The following TIAM1 variants were observed in gnomAD, a reference collection of about 807,000 sequenced individuals.
TIAM1 encodes the protein TIAM Rac1 associated GEF 1.
Under a neutral mutation model 163.5 loss-of-function variants are expected in TIAM1, and 65 were observed. That is an observed-to-expected ratio of 0.40 (90% CI 0.33 to 0.49). TIAM1 has a LOEUF of 0.49. TIAM1 is among the 20% of genes least tolerant of loss of function. TIAM1 has a pLI of 0.77. For synonymous variants in TIAM1, 833 were observed against 810.1 expected, an observed-to-expected ratio of 1.03 and a Z score of -0.48; for missense variants, 1,789 against 2,044.7, an observed-to-expected ratio of 0.87 and a Z score of 2.41.
chr21:31,190,551 G>A (rs1051104584), intron 13 of TIAM1, among the ~76,000 whole-genome samples: 2 of 152,080 alleles, frequency 1.3e-5, no homozygotes, highest in African/African-American at 4.8e-5. Context: ...AACAAGCACA[G>A]GCACCTATAA....
chr21:31,380,504 T>C (rs1437215156), intron 2 of TIAM1, among the ~76,000 whole-genome samples: 3 of 151,942 alleles, frequency 2.0e-5, no homozygotes, highest in African/African-American at 4.8e-5. Flanking sequence ...GATCACACCA[T>C]TGCACTCCAG....
chr21:31,220,990 C>A (rs2087524510), intron 8 of TIAM1, among the ~76,000 whole-genome samples: 1 of 152,164 alleles, frequency 6.6e-6, no homozygotes, highest in African/African-American at 2.4e-5. Context: ...TGTAGCTCCC[C>A]AATCTACCCA....
intron 1 of TIAM1, among the ~76,000 whole-genome samples, chr21:31,509,393 A>G (rs192631313): frequency 6.6e-6 from 1 of 152,322 alleles, no homozygotes; most frequent in Admixed American, 6.5e-5. Flanking sequence ...CAAAGCCCCC[A>G]GGACCCACTC....
chr21:31,540,567 C>G (rs2048290107), intron 1 of TIAM1, among the ~76,000 whole-genome samples: 1 of 152,170 alleles, frequency 6.6e-6, no homozygotes, highest in Non-Finnish European at 1.5e-5. Flanking sequence ...ACGGGGACCC[C>G]CATCTCTGCA....
intron 2 of TIAM1, among the ~76,000 whole-genome samples, chr21:31,412,253 G>C (rs138037972): frequency 3.3e-5 from 5 of 152,288 alleles, no homozygotes; most frequent in African/African-American, 1.2e-4. Context: ...AGTGTGGAAC[G>C]ATAGACAACG....
At chr21:31,179,170 C>T (rs1025561029) in intron 15 of TIAM1, among the ~76,000 whole-genome samples, 9 of 151,620 alleles carry the variant, frequency 5.9e-5, no homozygotes, top group African/African-American at 2.2e-4. Context: ...GCAGATCACC[C>T]GATTTCGGGA....
rs1197864584 is a variant in TIAM1 at position 31,197,256 on chromosome 21, T to TA, written c.2494-1952dup. Among the ~76,000 whole-genome samples the TA allele has an allele frequency of 2.0e-4, 30 of 152,186 alleles. 1 individual carries two copies. Among genetic ancestry groups the TA allele is most frequent in the African/African-American group, 6.8e-4 (28 of 41,438 alleles). ...ATCTAAAATAAGAGTTAAAATTATTTAAAAAATTTTTTAAACAAAAAAGGC... is the reference window on the plus strand; with the variant it reads ...ATCTAAAATAAGAGTTAAAATTATTTAAAAAAATTTTTTAAACAAAAAAGGC... On this transcript the variant is annotated intron_variant, in intron 12 of 27. Transcript: ENST00000541036.
intron 2 of TIAM1, among the ~76,000 whole-genome samples, chr21:31,337,025 T>C (rs183750379): frequency 1.2e-4 from 18 of 152,240 alleles, no homozygotes; most frequent in African/African-American, 3.9e-4. Context: ...GAACACACAA[T>C]AGCACGGTGA....
intron 1 of TIAM1, among the ~76,000 whole-genome samples, chr21:31,547,275 A>G (rs557911501): frequency 2.0e-5 from 3 of 152,202 alleles, no homozygotes; most frequent in Non-Finnish European, 2.9e-5. Flanking sequence ...ACTTTTAGAA[A>G]CAAAGTATAT....
Position 31,141,239 on chromosome 21 carries a change from G to A in TIAM1, c.3656-3C>T, listed in dbSNP as rs982965835. 5 of 1,614,056 alleles carry A rather than the reference G, an allele frequency of 3.1e-6. No homozygotes were observed. In the African/African-American group the frequency reaches 5.3e-5, roughly 17 times the overall value. ...CTTGTTCATGGTCTTGATGGCCACT[G>A]GAAGAAAACAGGTTGTGAAATGAGA... On this transcript the variant is annotated splice_polypyrimidine_tract_variant and splice_region_variant and intron_variant, in intron 21 of 27. Coordinates refer to ENST00000541036, the MANE Select transcript of TIAM1 (RefSeq NM_001353694.2). This position sits in a 1 kb window ranked among gnomAD's most constrained non-coding sequence, Gnocchi z 4.7.
At chr21:31,303,331 A>C (rs1161832762) in intron 2 of TIAM1, among the ~76,000 whole-genome samples, 3 of 152,184 alleles carry the variant, frequency 2.0e-5, no homozygotes, top group Non-Finnish European at 2.9e-5. Flanking sequence ...GGTTTCCCCC[A>C]CACACAAAGA....
chr21:31,420,021 C>A (rs1203868250), intron 2 of TIAM1, among the ~76,000 whole-genome samples: 1 of 152,118 alleles, frequency 6.6e-6, no homozygotes, highest in Non-Finnish European at 1.5e-5. Flanking sequence ...TGCACTCCAG[C>A]CTGGGCAACA....
At position 31,189,788 on chromosome 21, in the gene TIAM1, A is replaced by G. The variant is rs190121219; in HGVS notation, c.2576-2701T>C. On this transcript the variant is annotated intron_variant, in intron 13 of 27. Coordinates refer to ENST00000541036, the MANE Select transcript of TIAM1 (RefSeq NM_001353694.2). Reference sequence around the variant, plus strand: ...CACACTGGGGGAAAACCTTATAACCATCTTCTACATGAACAAATATAAAGA... The same window carrying G: ...CACACTGGGGGAAAACCTTATAACCGTCTTCTACATGAACAAATATAAAGA... Among the ~76,000 whole-genome samples, 286 of 152,128 alleles carry G rather than the reference A, an allele frequency of 1.9e-3. 1 individual carries two copies. Among genetic ancestry groups the G allele is most frequent in the African/African-American group, 6.4e-3 (267 of 41,524 alleles).
intron 6 of TIAM1, among the ~76,000 whole-genome samples, chr21:31,236,854 CAAGT>C (rs776632809): frequency 5.9e-5 from 9 of 152,238 alleles, no homozygotes; most frequent in Non-Finnish European, 1.3e-4. Context: ...GGCACGCTTA[CAAGT>C]AAGAACAGGG....
chr21:31,336,882 C>T (rs1291587456), intron 2 of TIAM1, among the ~76,000 whole-genome samples: 1 of 152,138 alleles, frequency 6.6e-6, no homozygotes, highest in Admixed American at 6.5e-5. Flanking sequence ...TGCCCTGAGA[C>T]AGGACTCAGG....
chr21:31,402,386 A>T (rs2077180476), intron 2 of TIAM1, among the ~76,000 whole-genome samples: 1 of 152,268 alleles, frequency 6.6e-6, no homozygotes, highest in African/African-American at 2.4e-5. Context: ...TCAGTCTGCA[A>T]GTAGGAACAA....
chr21:31,142,245 T>C (rs189593857), intron 20 of TIAM1, among the ~76,000 whole-genome samples: 342 of 152,028 alleles, frequency 2.2e-3, no homozygotes, highest in Non-Finnish European at 3.3e-3. Context: ...AAAATAATGA[T>C]AAACCTACAT....
Position 31,344,151 on chromosome 21 carries a change from G to A in TIAM1, c.-382C>T, listed in dbSNP as rs2076098757. Reference sequence around the variant, plus strand: ...ATTCAAGCTCACCGCTGCTCAACAAGGCGCGCACGTTTCTCCCCGTCTGGC... The same window carrying A: ...ATTCAAGCTCACCGCTGCTCAACAAAGCGCGCACGTTTCTCCCCGTCTGGC... On this transcript the variant is annotated 5_prime_UTR_variant, in exon 1 of 28. Transcript: ENST00000541036. 6.6e-6 allele frequency: 1 copy of A among 152,232 alleles called. No individual in the cohort carries two copies. The highest frequency in any genetic ancestry group is 6.5e-5 in the Admixed American group (1 of 15,280). The allele number at this position is 152,232 out of a possible 1,614,324, so 9.4% of individuals were successfully genotyped here.
chr21:31,362,810 C>A (rs921278090), intron 2 of TIAM1, among the ~76,000 whole-genome samples: 1 of 152,030 alleles, frequency 6.6e-6, no homozygotes, highest in African/African-American at 2.4e-5. Flanking sequence ...CCCCTTAGGG[C>A]AGGGAGCGCT....
Sources: gnomAD v4.1 joint callset for allele counts (sites outside exome capture counted in the v4.1 genomes callset) on GRCh38, gnomAD v4.1.1 for gene constraint, Gnocchi (gnomAD v3.1) non-coding constraint, MANE v1.5 for transcripts, NCBI Gene and HGNC (gene_info 2026-07-23, HGNC 2026-07-21) for gene names.